The following KCNMA1 variants were observed in gnomAD, a reference collection of about 807,000 sequenced individuals.
The protein encoded by KCNMA1 is Calcium-activated potassium channel subunit alpha-1.
In KCNMA1, 29 loss-of-function variants were observed where a neutral mutation model predicts 140.0. The observed-to-expected ratio is 0.21, with a 90% CI of 0.15 to 0.28. The LOEUF is 0.28. Among genes scored for constraint, KCNMA1 ranks in the 10% least tolerant of loss-of-function variants. The pLI, the probability that KCNMA1 is intolerant of heterozygous loss-of-function variation, is 1.00. For missense variants in KCNMA1, 880 were observed against 1,602.2 expected, an observed-to-expected ratio of 0.55 and a Z score of 7.70; for synonymous variants, 612 against 611.9, an observed-to-expected ratio of 1.00 and a Z score of 0.00.
In KCNMA1 at chr10:77,073,593, C is replaced by T. The variant is rs1268505665; in HGVS notation, c.1594-341G>A. ...TCATTAAGTTGAGTCCTCTAATAGA[C>T]CGTAGGAGTGCCAAATGCCTGTATA... On this transcript the variant is annotated intron_variant, in intron 13 of 27. Transcript: ENST00000286628. 2.0e-5 allele frequency among the ~76,000 whole-genome samples: 3 copies of T among 152,144 alleles called. No individual in the cohort carries two copies. The East Asian group carries it at 5.8e-4, about 29-fold the overall frequency.
At chr10:77,003,919 G>A (rs764234787) in intron 18 of KCNMA1, among the ~76,000 whole-genome samples, 6 of 152,150 alleles carry the variant, frequency 3.9e-5, no homozygotes, top group Non-Finnish European at 8.8e-5. Flanking sequence ...GAAACACAGT[G>A]ACAAACCAGT....
chr10:77,169,877 T>C (rs1329499583), intron 5 of KCNMA1, among the ~76,000 whole-genome samples: 17 of 152,226 alleles, frequency 1.1e-4, no homozygotes, highest in Admixed American at 1.0e-3. Context: ...TTGGCATTTA[T>C]TTCGAGTGAT....
intron 20 of KCNMA1, among the ~76,000 whole-genome samples, chr10:76,969,600 AAG>A (rs1565264667): frequency 6.6e-6 from 1 of 152,202 alleles, no homozygotes; most frequent in Non-Finnish European, 1.5e-5. Flanking sequence ...CTCCAGCAGA[AAG>A]AGACTGCCGC....
intron 1 of KCNMA1, among the ~76,000 whole-genome samples, chr10:77,526,402 C>G (rs1205378707): frequency 6.6e-6 from 1 of 152,234 alleles, no homozygotes; most frequent in East Asian, 1.9e-4. Flanking sequence ...AACTACTGTA[C>G]ACAGTTGAAT....
At chr10:77,137,943 T>G (rs767794298) in intron 5 of KCNMA1, among the ~76,000 whole-genome samples, 14 of 152,084 alleles carry the variant, frequency 9.2e-5, no homozygotes, top group Non-Finnish European at 8.8e-5. Flanking sequence ...ATTTTTTCTA[T>G]TTTTTTAGTG....
chr10:77,181,661 C>A (rs1469697973), intron 5 of KCNMA1, among the ~76,000 whole-genome samples: 1 of 152,134 alleles, frequency 6.6e-6, no homozygotes, highest in African/African-American at 2.4e-5. Context: ...CACCCAGGGC[C>A]ACGTAAGTTA....
intron 20 of KCNMA1, among the ~76,000 whole-genome samples, chr10:76,958,148 T>C (rs1489978024): frequency 6.6e-6 from 1 of 152,182 alleles, no homozygotes; most frequent in East Asian, 1.9e-4. Flanking sequence ...CCGTTTGTTG[T>C]ATGGAAAGGA....
intron 3 of KCNMA1, among the ~76,000 whole-genome samples, chr10:77,239,074 T>C (rs1364873242): frequency 6.6e-6 from 1 of 152,220 alleles, no homozygotes; most frequent in Non-Finnish European, 1.5e-5. Context: ...GATAACAGAT[T>C]GTACTCAAAG....
At chr10:77,130,277 T>C (rs953767798) in intron 5 of KCNMA1, among the ~76,000 whole-genome samples, 4 of 152,186 alleles carry the variant, frequency 2.6e-5, no homozygotes, top group Non-Finnish European at 5.9e-5. Context: ...TTCAATACAT[T>C]ACACTAAATT....
chr10:77,394,890 C>A lies in KCNMA1; in HGVS notation c.540+8972G>T, dbSNP rs7917550. ...TGGTGGGTGTTTTGGACTCCGGATA[C>A]TACTCAACTCTGCCTTTGTAGCTTC... is the stretch of plus-strand genomic sequence containing the variant. On this transcript the variant is annotated intron_variant, in intron 2 of 27. Coordinates refer to ENST00000286628, the MANE Select transcript of KCNMA1 (RefSeq NM_001161352.2). 4.3e-3 allele frequency among the ~76,000 whole-genome samples: 650 copies of A among 152,288 alleles called. 7 individuals carry two copies. Among genetic ancestry groups the A allele is most frequent in the African/African-American group, 0.015 (627 of 41,552 alleles).
intron 2 of KCNMA1, among the ~76,000 whole-genome samples, chr10:77,379,747 T>A (rs1433741032): frequency 6.6e-6 from 1 of 152,122 alleles, no homozygotes; most frequent in Non-Finnish European, 1.5e-5. Flanking sequence ...CTTAATGACA[T>A]AAAATCACAT....
intron 2 of KCNMA1, among the ~76,000 whole-genome samples, chr10:77,357,931 G>A (rs1038214058): frequency 2.6e-5 from 4 of 152,136 alleles, no homozygotes; most frequent in Admixed American, 2.0e-4. Flanking sequence ...AAGTGGACTG[G>A]GGGTCTCGGG....
intron 3 of KCNMA1, among the ~76,000 whole-genome samples, chr10:77,221,608 T>C (rs1353437115): frequency 6.6e-6 from 1 of 152,212 alleles, no homozygotes; most frequent in Non-Finnish European, 1.5e-5. Context: ...ATGTGATTAT[T>C]ACATAATAAG....
At chr10:77,619,011 G>A (rs1175551168) in intron 1 of KCNMA1, among the ~76,000 whole-genome samples, 1 of 152,166 alleles carries the variant, frequency 6.6e-6, no homozygotes, top group Non-Finnish European at 1.5e-5. Context: ...GCTGGGTGTG[G>A]AGAGCTTGGG....
intron 19 of KCNMA1, among the ~76,000 whole-genome samples, chr10:76,982,654 A>G (rs2079906154): frequency 6.6e-6 from 1 of 152,058 alleles, no homozygotes; most frequent in Non-Finnish European, 1.5e-5. Flanking sequence ...TTACATTCCA[A>G]ATGATAGAAT....
At chr10:77,566,825 G>A (rs751673051) in intron 1 of KCNMA1, among the ~76,000 whole-genome samples, 6 of 151,932 alleles carry the variant, frequency 3.9e-5, no homozygotes, top group South Asian at 2.1e-4. Context: ...TGCATTCTTC[G>A]GCTACAGAGA....
chr10:77,299,212 A>G (rs1383105042), intron 2 of KCNMA1, among the ~76,000 whole-genome samples: 1 of 152,208 alleles, frequency 6.6e-6, no homozygotes, highest in East Asian at 1.9e-4. Context: ...CTGACTTACT[A>G]CTACCACCCA....
At chr10:76,995,662 T>C (rs1487897474) in intron 19 of KCNMA1, 1 of 470,866 alleles carries the variant, frequency 2.1e-6, no homozygotes, top group Non-Finnish European at 4.4e-6. Flanking sequence ...AAGCATTCAC[T>C]GCCTGGTGGT....
At chr10:76,878,577 T>TTGG (rs201731286) in intron 29 of KCNMA1, among the ~76,000 whole-genome samples, 1,778 of 152,270 alleles carry the variant, frequency 0.012, 24 homozygotes, top group African/African-American at 0.038. Context: ...AAACTCTGTG[T>TTGG]TGGTATAAAG....
Sources: allele counts gnomAD v4.1 joint callset (sites outside exome capture counted in the v4.1 genomes callset), GRCh38; gene constraint gnomAD v4.1.1; transcripts MANE v1.5; gene names NCBI Gene and HGNC (gene_info 2026-07-23, HGNC 2026-07-21).